GPATCH2: variants seen among roughly 807,000 people sequenced by gnomAD.
GPATCH2 encodes the protein G patch domain-containing protein 2.
GPATCH2 carries 51 observed loss-of-function variants against 58.0 expected under a neutral mutation model. The ratio of observed to expected loss-of-function variants is 0.88; its 90% CI spans 0.70 to 1.11. GPATCH2 has a LOEUF of 1.11. Among genes scored for constraint, GPATCH2 ranks in the 50% most tolerant of loss-of-function variants. The probability of loss-of-function intolerance (pLI) is 0.00; values close to 1 mark genes in which losing one functional copy is unlikely to be tolerated. For missense variants in GPATCH2, 625 were observed against 652.2 expected (o/e 0.96, Z 0.45); for synonymous variants, 222 against 218.5 (o/e 1.02, Z -0.14).
At chr1:217,479,666 T>C (rs1661130178) in intron 8 of GPATCH2, among the ~76,000 whole-genome samples, 2 of 152,098 alleles carry the variant, frequency 1.3e-5, no homozygotes, top group African/African-American at 2.4e-5. Context: ...TACTTATCAA[T>C]AATAAAACTG....
chr1:217,460,215 T>G (rs1660143030), intron 8 of GPATCH2, among the ~76,000 whole-genome samples: 1 of 152,146 alleles, frequency 6.6e-6, no homozygotes, highest in Non-Finnish European at 1.5e-5. Context: ...AAAGATCCCA[T>G]GAACAGAAAG....
chr1:217,434,500 C>G (rs1658717850), intron 9 of GPATCH2, among the ~76,000 whole-genome samples: 1 of 152,156 alleles, frequency 6.6e-6, no homozygotes, highest in Non-Finnish European at 1.5e-5. Flanking sequence ...CGTGTTGTCT[C>G]ATATCCCTGA....
At chr1:217,504,822 G>A (rs943760567) in intron 6 of GPATCH2, among the ~76,000 whole-genome samples, 3 of 151,994 alleles carry the variant, frequency 2.0e-5, no homozygotes, top group Non-Finnish European at 4.4e-5. Context: ...TCTTTTTGGT[G>A]TTGCCAGAAT....
intron 5 of GPATCH2, among the ~76,000 whole-genome samples, chr1:217,586,042 G>A (rs1334796370): frequency 6.6e-6 from 1 of 152,156 alleles, no homozygotes; most frequent in East Asian, 1.9e-4. Flanking sequence ...ACCATGAATG[G>A]AGCTTGCAGT....
intron 8 of GPATCH2, among the ~76,000 whole-genome samples, chr1:217,454,461 C>A (rs374329268): frequency 2.0e-5 from 3 of 151,468 alleles, no homozygotes; most frequent in Non-Finnish European, 4.4e-5. Flanking sequence ...TGGTGGTGGG[C>A]GCCTGTAGTC....
intron 8 of GPATCH2, among the ~76,000 whole-genome samples, chr1:217,468,103 C>T (rs918430547): frequency 2.0e-5 from 3 of 152,186 alleles, no homozygotes; most frequent in Admixed American, 6.5e-5. Context: ...ATTTCTCTTG[C>T]TTTCCCTACA....
intron 1 of GPATCH2, among the ~76,000 whole-genome samples, chr1:217,629,768 TC>T (rs1669648727): frequency 6.6e-6 from 1 of 152,204 alleles, no homozygotes; most frequent in Non-Finnish European, 1.5e-5. Context: ...TAAAAAATGC[TC>T]CCTACTTTTC....
intron 8 of GPATCH2, among the ~76,000 whole-genome samples, chr1:217,452,742 A>G (rs138897908): frequency 0.012 from 1,838 of 152,264 alleles, 12 homozygotes; most frequent in Middle Eastern, 0.027. Context: ...TAACATTTTC[A>G]TTCAACTCCC....
intron 5 of GPATCH2, among the ~76,000 whole-genome samples, chr1:217,563,999 G>A (rs1666064591): frequency 7.4e-6 from 1 of 135,864 alleles, no homozygotes; most frequent in Non-Finnish European, 1.5e-5. Context: ...AGCTGAGATC[G>A]CGGCATTGCA....
At chr1:217,526,464 C>T (rs1300343189) in intron 5 of GPATCH2, among the ~76,000 whole-genome samples, 5 of 152,066 alleles carry the variant, frequency 3.3e-5, no homozygotes, top group East Asian at 1.9e-4. Flanking sequence ...ATATTGCAAA[C>T]TATTCTTTGC....
At chr1:217,442,180 T>G (rs1288546578) in intron 9 of GPATCH2, among the ~76,000 whole-genome samples, 2 of 152,222 alleles carry the variant, frequency 1.3e-5, no homozygotes, top group Non-Finnish European at 2.9e-5. Flanking sequence ...GATGAGTTCA[T>G]GTCCTTTGCA....
chr1:217,524,466 G>A (rs1020999176), intron 5 of GPATCH2, among the ~76,000 whole-genome samples: 9 of 151,920 alleles, frequency 5.9e-5, no homozygotes, highest in South Asian at 2.1e-4. Context: ...GGTGGCGGCC[G>A]GGCAGAGGCT....
intron 5 of GPATCH2, among the ~76,000 whole-genome samples, chr1:217,590,358 T>A (rs567710729): frequency 1.3e-5 from 2 of 152,168 alleles, no homozygotes; most frequent in South Asian, 4.1e-4. Flanking sequence ...TGCTTGCTGA[T>A]CAGGAAAACA....
chr1:217,607,355 G>A (rs1483567136), intron 5 of GPATCH2, among the ~76,000 whole-genome samples: 1 of 152,010 alleles, frequency 6.6e-6, no homozygotes, highest in East Asian at 1.9e-4. Context: ...GTCTAAATTA[G>A]TACCAGATTT....
chr1:217,601,100 A>G (rs1010839911), intron 5 of GPATCH2, among the ~76,000 whole-genome samples: 1 of 152,178 alleles, frequency 6.6e-6, no homozygotes, highest in Admixed American at 6.6e-5. Flanking sequence ...TAAAAAGACT[A>G]GTTGTACTGC....
chr1:217,597,390 G>C (rs1667889357), intron 5 of GPATCH2, among the ~76,000 whole-genome samples: 2 of 151,586 alleles, frequency 1.3e-5, no homozygotes, highest in Non-Finnish European at 2.9e-5. Context: ...AAATCAAACG[G>C]ATGCGAGGCT....
At chr1:217,433,280 CCA>C (rs1206905481) in intron 9 of GPATCH2, among the ~76,000 whole-genome samples, 1 of 151,190 alleles carries the variant, frequency 6.6e-6, no homozygotes, top group African/African-American at 2.4e-5. Context: ...CGATGAAACT[CCA>C]GAGTATAGTA....
intron 8 of GPATCH2, among the ~76,000 whole-genome samples, chr1:217,478,130 A>G (rs1319740120): frequency 6.6e-6 from 1 of 152,228 alleles, no homozygotes; most frequent in East Asian, 1.9e-4. Flanking sequence ...TACAGCTTAG[A>G]TTACAATATC....
At chr1:217,496,999 A>G (rs1321917226) in intron 7 of GPATCH2, among the ~76,000 whole-genome samples, 3 of 152,196 alleles carry the variant, frequency 2.0e-5, no homozygotes, top group Non-Finnish European at 2.9e-5. Flanking sequence ...TTTCTTCCCT[A>G]TAAGGTATTA....
Sources: gnomAD v4.1 joint callset for allele counts (sites outside exome capture counted in the v4.1 genomes callset) on GRCh38, gnomAD v4.1.1 for gene constraint, MANE v1.5 for transcripts, NCBI Gene and HGNC (gene_info 2026-07-23, HGNC 2026-07-21) for gene names.